Variants in CLEC16A observed in about 807,000 individuals in gnomAD.
CLEC16A encodes protein CLEC16A.
Under a neutral mutation model 109.5 loss-of-function variants are expected in CLEC16A, and 51 were observed. That is an observed-to-expected ratio of 0.47 (90% CI 0.37 to 0.59). CLEC16A has a LOEUF of 0.59. Ranked by LOEUF, CLEC16A falls within the 20% of genes least tolerant of loss-of-function variation. The pLI, the probability that CLEC16A is intolerant of heterozygous loss-of-function variation, is 0.00. For synonymous variants in CLEC16A, 673 were observed against 564.2 expected, an observed-to-expected ratio of 1.19 and a Z score of -2.73; for missense variants, 1,339 against 1,394.0, an observed-to-expected ratio of 0.96 and a Z score of 0.63.
Position 11,065,571 on chromosome 16 carries a change from G to A in CLEC16A, c.2116+4549G>A, listed in dbSNP as rs1462447687. Among the ~76,000 whole-genome samples the A allele has an allele frequency of 2.6e-5, 4 of 152,208 alleles. No individual in the cohort carries two copies. The East Asian group carries it at 7.7e-4, about 29-fold the overall frequency. On this transcript the variant is annotated intron_variant, in intron 19 of 23. Transcript: ENST00000409790. ...TGTTCTTGAGGTGTTTCCAGTTGTG[G>A]AGGGAGCAACCACTAACAGGTAGGT...
intron 22 of CLEC16A, among the ~76,000 whole-genome samples, chr16:11,134,266 C>G (rs958664614): frequency 6.7e-6 from 1 of 149,536 alleles, no homozygotes; most frequent in Non-Finnish European, 1.5e-5. Context: ...ACTACGTTGT[C>G]GGCTCCAACT....
At chr16:11,023,556 T>C (rs1363061612) in intron 12 of CLEC16A, among the ~76,000 whole-genome samples, 2 of 152,084 alleles carry the variant, frequency 1.3e-5, no homozygotes, top group East Asian at 1.9e-4. Context: ...TTTTTTTTTT[T>C]AGTTTTTGTG....
chr16:11,125,908 C>A (rs900595259), intron 21 of CLEC16A, 71 bp from the exon 22 acceptor site: 12 of 210,746 alleles, frequency 5.7e-5, no homozygotes, highest in African/African-American at 2.6e-4. Context: ...ACGATGTCCC[C>A]CCCCCCAAAT....
At chr16:11,049,324 G>T (rs530708329) in intron 17 of CLEC16A, among the ~76,000 whole-genome samples, 2 of 151,782 alleles carry the variant, frequency 1.3e-5, no homozygotes, top group South Asian at 2.1e-4. Context: ...TTTTAAATCC[G>T]TAAGGTGGGG....
At chr16:11,014,279 A>G (rs1043206727) in intron 11 of CLEC16A, among the ~76,000 whole-genome samples, 1 of 152,192 alleles carries the variant, frequency 6.6e-6, no homozygotes, top group Non-Finnish European at 1.5e-5. Context: ...CATTTCTCAG[A>G]TCTTCTTCAT....
At chr16:11,138,696 A>G (rs1005124273) in intron 22 of CLEC16A, among the ~76,000 whole-genome samples, 3 of 152,186 alleles carry the variant, frequency 2.0e-5, no homozygotes, top group South Asian at 2.1e-4. Flanking sequence ...GCTTGTTTCA[A>G]AAAACCTAAA....
intron 19 of CLEC16A, among the ~76,000 whole-genome samples, chr16:11,062,894 G>A (rs1264612907): frequency 6.6e-6 from 1 of 151,844 alleles, no homozygotes; most frequent in African/African-American, 2.4e-5. Flanking sequence ...TTGCTTTGGG[G>A]GGGTGGGGGA....
intron 19 of CLEC16A, among the ~76,000 whole-genome samples, chr16:11,071,975 G>A (rs1328842848): frequency 6.6e-6 from 1 of 152,036 alleles, no homozygotes; most frequent in East Asian, 1.9e-4. Flanking sequence ...GCTGAAGTGT[G>A]TAGGGGTAAA....
At chr16:11,133,112 CT>C (rs1400394433) in intron 22 of CLEC16A, among the ~76,000 whole-genome samples, 1 of 152,110 alleles carries the variant, frequency 6.6e-6, no homozygotes. Context: ...TTTAACTCCC[CT>C]GTATCACCTG....
At chr16:11,092,401 C>CAT (rs2050363539) in intron 19 of CLEC16A, among the ~76,000 whole-genome samples, 4 of 144,578 alleles carry the variant, frequency 2.8e-5, no homozygotes, top group Admixed American at 2.1e-4. Context: ...CACACACACA[C>CAT]ATGCCAGGTG....
intron 23 of CLEC16A, among the ~76,000 whole-genome samples, chr16:11,167,410 A>G (rs925956144): frequency 6.6e-6 from 1 of 152,076 alleles, no homozygotes; most frequent in Non-Finnish European, 1.5e-5. Flanking sequence ...GCCCTCACTC[A>G]TCATATTTCA....
chr16:11,057,386 G>A (rs2048264637), intron 18 of CLEC16A, among the ~76,000 whole-genome samples: 1 of 152,238 alleles, frequency 6.6e-6, no homozygotes. Flanking sequence ...TACCTGCACG[G>A]TGGGTGCCCC....
At chr16:11,088,958 G>A (rs2050156784) in intron 19 of CLEC16A, among the ~76,000 whole-genome samples, 1 of 152,174 alleles carries the variant, frequency 6.6e-6, no homozygotes, top group Non-Finnish European at 1.5e-5. Flanking sequence ...AAGTGAAAGT[G>A]CCCTGCCATT....
intron 13 of CLEC16A, among the ~76,000 whole-genome samples, chr16:11,034,558 G>A (rs553648202): frequency 6.6e-6 from 1 of 152,252 alleles, no homozygotes; most frequent in African/African-American, 2.4e-5. Context: ...CTTTGAATGA[G>A]TTAGTTGAGA....
chr16:11,085,024 C>CAG (rs1213526370), intron 19 of CLEC16A, among the ~76,000 whole-genome samples: 1 of 152,192 alleles, frequency 6.6e-6, no homozygotes, highest in African/African-American at 2.4e-5. Flanking sequence ...AGCCCTTTTG[C>CAG]AGAGAGAGAG....
At chr16:11,126,183 A>G (rs202140017) in intron 22 of CLEC16A, 37 bp downstream of exon 22, 17 of 1,612,740 alleles carry the variant, frequency 1.1e-5, no homozygotes, top group Non-Finnish European at 1.4e-5. Context: ...CAGCTCGTTC[A>G]TCATGGTGGG....
chr16:10,961,216 C>T lies in CLEC16A; in HGVS notation c.210-1239C>T, dbSNP rs989576544. Among the ~76,000 whole-genome samples the T allele has an allele frequency of 2.6e-5, 4 of 152,162 alleles. No homozygotes were observed. The highest frequency in any genetic ancestry group is 9.7e-5 in the African/African-American group (4 of 41,428). ...CAAATGACAGAAATACTCTGGAGGT[C>T]AACATGAATGGCATTTACAGGCAGA... On this transcript the variant is annotated intron_variant, in intron 2 of 23. Coordinates refer to ENST00000409790, the MANE Select transcript of CLEC16A (RefSeq NM_015226.3). The surrounding 1 kb of genome is among the most constrained non-coding windows in gnomAD (Gnocchi z 4.3).
chr16:11,143,583 G>T (rs1346276870), intron 22 of CLEC16A, among the ~76,000 whole-genome samples: 4 of 152,212 alleles, frequency 2.6e-5, no homozygotes, highest in African/African-American at 7.2e-5. Context: ...AGCTACTGCT[G>T]TCAGCTGCAT....
chr16:10,962,927 T>G (rs2042320827), intron 3 of CLEC16A, among the ~76,000 whole-genome samples: 1 of 151,914 alleles, frequency 6.6e-6, no homozygotes, highest in Non-Finnish European at 1.5e-5. Context: ...GGTGTGGTGG[T>G]GTGCACATGT....
Sources: gnomAD v4.1 joint callset for allele counts (sites outside exome capture counted in the v4.1 genomes callset) on GRCh38, gnomAD v4.1.1 for gene constraint, Gnocchi (gnomAD v3.1) non-coding constraint, MANE v1.5 for transcripts, NCBI Gene and HGNC (gene_info 2026-07-23, HGNC 2026-07-21) for gene names.